Variants in RBFOX1 observed in about 807,000 individuals in gnomAD.
RBFOX1 encodes RNA binding fox-1 homolog 1, also known as RNA binding protein fox-1 homolog 1.
A neutral mutation model predicts 57.7 loss-of-function variants in RBFOX1; 8 were observed. The observed-to-expected ratio is 0.14, with a 90% CI of 0.08 to 0.25. The LOEUF (loss-of-function observed/expected upper bound fraction) is 0.25, where lower values mean the gene tolerates loss of function less well. Among genes scored for constraint, RBFOX1 ranks in the 10% least tolerant of loss-of-function variants. The pLI is 1.00. For synonymous variants in RBFOX1, 326 were observed against 222.4 expected, an observed-to-expected ratio of 1.47 and a Z score of -4.15; for missense variants, 611 against 548.5, an observed-to-expected ratio of 1.11 and a Z score of -1.14.
At chr16:7,124,945 C>T (rs903690030) in intron 4 of RBFOX1, among the ~76,000 whole-genome samples, 2 of 152,086 alleles carry the variant, frequency 1.3e-5, no homozygotes, top group African/African-American at 4.8e-5. Flanking sequence ...GAAGTGGTGC[C>T]ATTAGCTCAA....
At chr16:6,506,841 T>C (rs571914816) in intron 2 of RBFOX1, among the ~76,000 whole-genome samples, 1 of 152,112 alleles carries the variant, frequency 6.6e-6, no homozygotes, top group South Asian at 2.1e-4. Flanking sequence ...AGAGAGAGGG[T>C]TTGGCCATGT....
intron 3 of RBFOX1, among the ~76,000 whole-genome samples, chr16:7,045,388 C>G (rs758035709): frequency 1.3e-5 from 2 of 152,178 alleles, no homozygotes; most frequent in South Asian, 4.1e-4. Context: ...ATAGAGATTA[C>G]TTGAAATATC....
At chr16:6,582,743 C>T (rs1037377653) in intron 2 of RBFOX1, among the ~76,000 whole-genome samples, 1 of 151,294 alleles carries the variant, frequency 6.6e-6, no homozygotes, top group Non-Finnish European at 1.5e-5. Context: ...TCCTTCCTCC[C>T]TTTCTCTTCT....
At chr16:5,703,528 C>A (rs1181253788) in intron 3 of RBFOX1, among the ~76,000 whole-genome samples, 1 of 152,108 alleles carries the variant, frequency 6.6e-6, no homozygotes, top group Admixed American at 6.6e-5. Flanking sequence ...ATTTTGGTCT[C>A]AATTCTTTGA....
intron 1 of RBFOX1, among the ~76,000 whole-genome samples, chr16:5,370,892 G>T (rs901490772): frequency 7.9e-5 from 12 of 152,182 alleles, no homozygotes. Flanking sequence ...TTTCCCTGTT[G>T]TTATGAACTG....
At chr16:6,348,793 A>G (rs2085799944) in intron 2 of RBFOX1, among the ~76,000 whole-genome samples, 2 of 152,250 alleles carry the variant, frequency 1.3e-5, no homozygotes, top group Middle Eastern at 3.4e-3. Context: ...CCTTGATCCC[A>G]TCACCTCCCA....
chr16:5,675,559 G>A (rs925632111), intron 3 of RBFOX1, among the ~76,000 whole-genome samples: 1 of 152,262 alleles, frequency 6.6e-6, no homozygotes, highest in Non-Finnish European at 1.5e-5. Flanking sequence ...AGAAAACAAG[G>A]CATGGGGAAA....
chr16:5,631,637 G>T (rs554073110), intron 3 of RBFOX1, among the ~76,000 whole-genome samples: 20 of 151,586 alleles, frequency 1.3e-4, no homozygotes, highest in Admixed American at 5.9e-4. Context: ...AGACTCCTTT[G>T]CCCTTCTGCA....
intron 1 of RBFOX1, among the ~76,000 whole-genome samples, chr16:6,287,318 G>T (rs1308164159): frequency 6.6e-6 from 1 of 152,144 alleles, no homozygotes; most frequent in Non-Finnish European, 1.5e-5. Flanking sequence ...GCTCTATCTT[G>T]TCTATTTGTT....
At chr16:6,772,974 T>G (rs557043837) in intron 3 of RBFOX1, among the ~76,000 whole-genome samples, 26 of 147,086 alleles carry the variant, frequency 1.8e-4, no homozygotes, top group African/African-American at 6.4e-4. Flanking sequence ...GGTGCATTTG[T>G]GTGCGTGTGT....
Position 7,653,853 on chromosome 16 carries a change from G to A in RBFOX1, c.796G>A (p.Ala266Thr), listed in dbSNP as rs775072996. 3.5e-5 allele frequency: 56 copies of A among 1,606,164 alleles called. No homozygotes were observed. Among genetic ancestry groups the A allele is most frequent in the Non-Finnish European group, 4.4e-5 (52 of 1,179,514 alleles). The change falls in exon 12 of 16, where the codon GCC becomes ACC. Residue 266 changes from alanine to threonine, a missense_variant. Physicochemically the swap from Ala to Thr is moderately conservative, Grantham distance 58. Coordinates refer to ENST00000550418, the MANE Select transcript of RBFOX1 (RefSeq NM_018723.4). ...GTATCCAGCAGCCACCGCCGCGGCCGCCTACCGAGGGGCGCACCTGCGAGG... is the reference window on the plus strand; with the variant it reads ...GTATCCAGCAGCCACCGCCGCGGCCACCTACCGAGGGGCGCACCTGCGAGG... Reference protein sequence around the residue: ...FPYPAATAAAAYRGAHLRGRG... With the variant: ...FPYPAATAAATYRGAHLRGRG...
chr16:5,530,176 A>C (rs1447477485), intron 2 of RBFOX1, among the ~76,000 whole-genome samples: 2 of 152,210 alleles, frequency 1.3e-5, no homozygotes, highest in Non-Finnish European at 2.9e-5. Context: ...ATTCTTGAGC[A>C]TAATTGAAAG....
intron 1 of RBFOX1, among the ~76,000 whole-genome samples, chr16:5,419,529 A>T (rs1380819305): frequency 1.3e-5 from 2 of 151,830 alleles, no homozygotes; most frequent in African/African-American, 4.8e-5. Flanking sequence ...CTTTGGTGAC[A>T]CCCTCATAGA....
intron 4 of RBFOX1, among the ~76,000 whole-genome samples, chr16:7,319,228 C>T (rs2096499003): frequency 6.6e-6 from 1 of 152,046 alleles, no homozygotes; most frequent in Admixed American, 6.5e-5. Context: ...AAATGGCCAC[C>T]CTGGAGTCTG....
At chr16:7,404,228 T>A (rs1012182142) in intron 4 of RBFOX1, among the ~76,000 whole-genome samples, 2 of 151,860 alleles carry the variant, frequency 1.3e-5, no homozygotes, top group African/African-American at 4.8e-5. Flanking sequence ...AAGTTTTGTA[T>A]TTTTAGTACA....
intron 3 of RBFOX1, among the ~76,000 whole-genome samples, chr16:6,887,699 G>A (rs1014189729): frequency 6.7e-6 from 1 of 149,324 alleles, no homozygotes; most frequent in South Asian, 2.1e-4. Flanking sequence ...GTCTCACTCT[G>A]TCACCCAGGT....
In RBFOX1 at chr16:7,225,921, A is replaced by ATATATATATATAT. The variant is rs1567789355; in HGVS notation, c.27+173823_27+173824insTATATATATATAT. On this transcript the variant is annotated intron_variant, in intron 4 of 15. Transcript: ENST00000550418. The stretch of plus-strand genomic sequence containing the variant: ...AGTATAATAAATATATATATATATA[A>ATATATATATATAT]ATGTGAATGTCATGTTTCTGAGATG... 1.1e-3 allele frequency among the ~76,000 whole-genome samples: 78 copies of ATATATATATATAT among 73,170 alleles called. 1 individual carries two copies. Among genetic ancestry groups the ATATATATATATAT allele is most frequent in the African/African-American group, 7.3e-3 (67 of 9,194 alleles). The allele number at this position is 73,170 out of a possible 152,430, so 48.0% of individuals were successfully genotyped here.
chr16:6,947,284 A>G (rs1203891026), intron 3 of RBFOX1, among the ~76,000 whole-genome samples: 1 of 152,054 alleles, frequency 6.6e-6, no homozygotes, highest in Non-Finnish European at 1.5e-5. Context: ...TTGATTTTGG[A>G]GTAAGGTCAC....
chr16:6,713,876 A>T (rs1270821855), intron 3 of RBFOX1, among the ~76,000 whole-genome samples: 1 of 152,178 alleles, frequency 6.6e-6, no homozygotes, highest in Non-Finnish European at 1.5e-5. Flanking sequence ...GACTGATAGC[A>T]TGTGGAGAAT....
Sources: allele counts gnomAD v4.1 joint callset (sites outside exome capture counted in the v4.1 genomes callset), GRCh38; gene constraint gnomAD v4.1.1; transcripts MANE v1.5; gene names NCBI Gene and HGNC (gene_info 2026-07-23, HGNC 2026-07-21).